The following DHCR7 variants were observed in gnomAD, a reference collection of about 807,000 sequenced individuals.
DHCR7 encodes the protein 7-DHC reductase.
DHCR7 carries 40 observed loss-of-function variants against 43.3 expected under a neutral mutation model. That is an observed-to-expected ratio of 0.92 (90% CI 0.72 to 1.20). DHCR7 has a LOEUF of 1.20. Ranked by LOEUF, DHCR7 falls within the 50% of genes most tolerant of loss-of-function variation. The probability of loss-of-function intolerance (pLI) is 0.00; values close to 1 mark genes in which losing one functional copy is unlikely to be tolerated. For missense variants in DHCR7, 608 were observed against 644.6 expected, an observed-to-expected ratio of 0.94 and a Z score of 0.62; for synonymous variants, 298 against 271.4, an observed-to-expected ratio of 1.10 and a Z score of -0.96.
rs1421672065 is a variant in DHCR7 at position 71,435,317 on chromosome 11, T to C, written c.*58A>G. 3.2e-6 allele frequency: 5 copies of C among 1,560,466 alleles called. No individual in the cohort carries two copies. The highest frequency in any genetic ancestry group is 2.7e-5 in the African/African-American group (2 of 74,094). ...GTTGGAGCTGGGATGCCAGCCCCCA[T>C]GGACCTGGCAGAACACGCTCTTGAC... On this transcript the variant is annotated 3_prime_UTR_variant, in exon 9 of 9. Coordinates refer to ENST00000355527, the MANE Select transcript of DHCR7 (RefSeq NM_001360.3).
intron 7 of DHCR7, 146 bp from the exon 8 acceptor site, chr11:71,438,089 G>T: frequency 1.0e-6 from 1 of 964,488 alleles, no homozygotes; most frequent in Non-Finnish European, 1.6e-6. Context: ...TTCCTTCCCT[G>T]CGGCTGGGGC....
At chr11:71,442,492 G>C in intron 4 of DHCR7, 139 bp from the exon 5 acceptor site, 1 of 722,956 alleles carries the variant, frequency 1.4e-6, no homozygotes, top group Non-Finnish European at 2.5e-6. Context: ...CAAACTGCTG[G>C]GCTGTGGGTT....
chr11:71,443,815 C>T (rs564620383), intron 4 of DHCR7, 178 bp downstream of exon 4: 14 of 599,210 alleles, frequency 2.3e-5, no homozygotes, highest in African/African-American at 3.7e-5. Context: ...TGCCTCCTGC[C>T]TTACAGCTGA....
At chr11:71,433,527 A>C (rs562232375), downstream of DHCR7, among the ~76,000 whole-genome samples, 173 of 152,340 alleles carry the variant, frequency 1.1e-3, no homozygotes, top group African/African-American at 3.9e-3. Flanking sequence ...CTCTCCCAGC[A>C]AATTGGCCTG....
intron 6 of DHCR7, 43 bp downstream of exon 6, chr11:71,441,184 T>G: frequency 6.3e-7 from 1 of 1,593,020 alleles, no homozygotes; most frequent in Non-Finnish European, 8.6e-7. Context: ...GGGGTGAAGT[T>G]TGCACTTTCT....
chr11:71,447,883 C>T (rs199669566), intron 1 of DHCR7, 149 bp from the exon 2 acceptor site: 3 of 152,264 alleles, frequency 2.0e-5, no homozygotes, highest in African/African-American at 7.2e-5. Context: ...GGACGGCGGA[C>T]AAGCCAGTCC....
Position 71,435,750 on chromosome 11 carries a change from G to C in DHCR7, c.1053C>G (p.Phe351Leu). The C allele has an allele frequency of 6.2e-7, 1 of 1,612,090 alleles. No individual in the cohort carries two copies. Among genetic ancestry groups the C allele is most frequent in the Non-Finnish European group, 8.5e-7 (1 of 1,179,108 alleles). The change falls in exon 9 of 9, where the codon TTC (phenylalanine) becomes TTG (leucine). Residue 351 changes from phenylalanine to leucine, a missense_variant. Physicochemically the swap from Phe to Leu is conservative, Grantham distance 22. Transcript: ENST00000355527. ...LLLGLVGYYI[F>L]RVANHQKDLF... ...GGTCCTTCTGGTGGTTGGCCACCCGGAAGATGTAGTAGCCCACCAGGCCCA... is the reference window on the plus strand; with the variant it reads ...GGTCCTTCTGGTGGTTGGCCACCCGCAAGATGTAGTAGCCCACCAGGCCCA...
At chr11:71,441,076 C>T in intron 6 of DHCR7, 151 bp downstream of exon 6, 2 of 758,286 alleles carry the variant, frequency 2.6e-6, no homozygotes, top group Non-Finnish European at 4.6e-6. Flanking sequence ...AAAGGATGTT[C>T]CCCAGGGTGA....
In DHCR7 at chr11:71,444,215, C is replaced by A; in HGVS notation, c.99G>T (p.Trp33Cys). The change falls in exon 4 of 9, where the codon TGG (tryptophan) becomes TGT (cysteine). Residue 33 changes from tryptophan (W) to cysteine (C), a missense_variant and splice_region_variant. Transcript: ENST00000355527. ...TASQGQWGRA[W>C]EVDWFSLASV... ...TCGCCAGTGAAAACCAGTCCACCTC[C>A]CTGCGAGGACGGATGCAGGCAGTCA... is the stretch of plus-strand genomic sequence containing the variant. The A allele has an allele frequency of 6.3e-7, 1 of 1,578,602 alleles. No individual in the cohort carries two copies. Among genetic ancestry groups the A allele is most frequent in the East Asian group, 2.3e-5 (1 of 43,164 alleles).
intron 8 of DHCR7, among the ~76,000 whole-genome samples, chr11:71,437,022 G>A (rs78776032): frequency 1.3e-5 from 2 of 152,136 alleles, no homozygotes; most frequent in Non-Finnish European, 2.9e-5. Context: ...TGGGCCATGC[G>A]GGGGGCTCCA....
downstream of DHCR7, among the ~76,000 whole-genome samples, chr11:71,430,499 G>GATGGTGGT (rs141674169): frequency 1.3e-5 from 2 of 151,440 alleles, no homozygotes; most frequent in African/African-American, 4.9e-5. Context: ...GCCATTTGTG[G>GATGGTGGT]GTGGTGGTGT....
At chr11:71,439,187 G>A in intron 6 of DHCR7, 104 bp from the exon 7 acceptor site, 1 of 1,139,860 alleles carries the variant, frequency 8.8e-7, no homozygotes, top group Middle Eastern at 2.2e-4. Context: ...GTCCTAAAGG[G>A]TAACGTGAGA....
At chr11:71,444,265 C>T in intron 3 of DHCR7, 50 bp from the exon 4 acceptor site, 2 of 1,436,052 alleles carry the variant, frequency 1.4e-6, no homozygotes, top group Non-Finnish European at 1.9e-6. Flanking sequence ...TGCCCTGGGC[C>T]CCACCAGGAC....
intron 4 of DHCR7, 130 bp from the exon 5 acceptor site, chr11:71,442,483 A>T: frequency 1.3e-6 from 1 of 743,970 alleles, no homozygotes; most frequent in Non-Finnish European, 2.4e-6. Flanking sequence ...CTGGAAGCTC[A>T]AACTGCTGGG....
intron 5 of DHCR7, 39 bp downstream of exon 5, chr11:71,442,224 A>C (rs1390170854): frequency 1.3e-5 from 19 of 1,475,866 alleles, no homozygotes; most frequent in Non-Finnish European, 1.8e-5. Context: ...GAAAGGGATG[A>C]GAACGGGAGC....
At position 71,438,955 on chromosome 11, in the gene DHCR7, T is replaced by C. The variant is rs1186843944; in HGVS notation, c.755A>G (p.Asn252Ser). The C allele has an allele frequency of 1.9e-6, 3 of 1,613,876 alleles. No individual in the cohort carries two copies. The highest frequency in any genetic ancestry group is 2.5e-6 in the Non-Finnish European group (3 of 1,180,056). ...RPGIVAWTLINLSFAAKQREL... is the reference protein window; with the variant it reads ...RPGIVAWTLISLSFAAKQREL... The stretch of plus-strand genomic sequence containing the variant: ...CCGCTGCTTCGCTGCGAAGGACAGG[T>C]TGATGAGGGTCCAGGCGACGATCCC... The change falls in exon 7 of 9, where the codon AAC becomes AGC. Residue 252 changes from asparagine (N) to serine (S), a missense_variant. By Grantham distance (46) the Asn-to-Ser change is conservative. Transcript: ENST00000355527.
chr11:71,439,193 TGAGACGGCGCA>T (rs1203853256), intron 6 of DHCR7, 110 bp from the exon 7 acceptor site: 4 of 1,075,432 alleles, frequency 3.7e-6, no homozygotes, highest in Non-Finnish European at 5.5e-6. Context: ...AAGGGTAACG[TGAGACGGCGCA>T]GGCAGAAGCT....
chr11:71,436,662 CAAA>C (rs5792559), intron 8 of DHCR7, among the ~76,000 whole-genome samples: 12 of 143,972 alleles, frequency 8.3e-5, no homozygotes, highest in East Asian at 2.0e-4. Context: ...GACTCCGTCT[CAAA>C]AAAAAAAAAA....
downstream of DHCR7, among the ~76,000 whole-genome samples, chr11:71,428,037 A>C (rs1176796881): frequency 6.6e-6 from 1 of 152,234 alleles, no homozygotes; most frequent in Non-Finnish European, 1.5e-5. Flanking sequence ...GATGCCACTC[A>C]AGGGCCTACC....
Sources: allele counts gnomAD v4.1 joint callset (sites outside exome capture counted in the v4.1 genomes callset), GRCh38; gene constraint gnomAD v4.1.1; transcripts MANE v1.5; gene names NCBI Gene and HGNC (gene_info 2026-07-23, HGNC 2026-07-21).